ADAMTS18: variants seen among roughly 807,000 people sequenced by gnomAD.
The protein encoded by ADAMTS18 is A disintegrin and metalloproteinase with thrombospondin motifs 18.
A neutral mutation model predicts 165.9 loss-of-function variants in ADAMTS18; 157 were observed. That is an observed-to-expected ratio of 0.95 (90% confidence interval 0.83 to 1.08). The LOEUF (loss-of-function observed/expected upper bound fraction) is 1.08, where lower values mean the gene tolerates loss of function less well. ADAMTS18 is among the 50% of genes least tolerant of loss of function. The pLI is 0.00. For missense variants in ADAMTS18, 2,040 were observed against 1,534.0 expected, an observed-to-expected ratio of 1.33 and a Z score of -5.51; for synonymous variants, 782 against 578.2, an observed-to-expected ratio of 1.35 and a Z score of -5.06.
intron 16 of ADAMTS18, among the ~76,000 whole-genome samples, chr16:77,306,043 C>T (rs1191074789): frequency 2.6e-5 from 4 of 152,156 alleles, no homozygotes; most frequent in Non-Finnish European, 4.4e-5. Context: ...CACAATAATG[C>T]CATTGCTTAC....
chr16:77,352,408 A>G (rs1163773454), intron 10 of ADAMTS18, among the ~76,000 whole-genome samples: 1 of 152,164 alleles, frequency 6.6e-6, no homozygotes, highest in Non-Finnish European at 1.5e-5. Flanking sequence ...TTTCACATCA[A>G]TGTGTGTGAC....
intron 13 of ADAMTS18, among the ~76,000 whole-genome samples, 193 bp downstream of exon 13, chr16:77,325,673 A>AG (rs201142735): frequency 8.6e-4 from 118 of 137,198 alleles, no homozygotes; most frequent in African/African-American, 3.0e-3. Flanking sequence ...GGTATCTTAT[A>AG]GGGGGAAAAA....
intron 3 of ADAMTS18, among the ~76,000 whole-genome samples, chr16:77,428,549 A>C (rs2057701360): frequency 6.6e-6 from 1 of 152,154 alleles, no homozygotes; most frequent in Non-Finnish European, 1.5e-5. Flanking sequence ...GATTTGGAGC[A>C]ACTGGAACTC....
chr16:77,377,007 G>T (rs565561804), intron 3 of ADAMTS18, among the ~76,000 whole-genome samples: 1 of 151,790 alleles, frequency 6.6e-6, no homozygotes, highest in South Asian at 2.1e-4. Context: ...TAGAGATGAG[G>T]TTTCATCACA....
intron 7 of ADAMTS18, 119 bp from the exon 8 acceptor site, chr16:77,359,542 GT>G: frequency 3.6e-6 from 2 of 548,754 alleles, no homozygotes; most frequent in South Asian, 2.1e-5. Context: ...TGCATTCAGT[GT>G]TTTTGGAAAA....
At chr16:77,386,301 C>G (rs2057106969) in intron 3 of ADAMTS18, among the ~76,000 whole-genome samples, 1 of 152,178 alleles carries the variant, frequency 6.6e-6, no homozygotes, top group Non-Finnish European at 1.5e-5. Context: ...CTATACCCAA[C>G]TTGGACTTTA....
chr16:77,396,337 T>G (rs2057256629), intron 3 of ADAMTS18, among the ~76,000 whole-genome samples: 2 of 152,286 alleles, frequency 1.3e-5, no homozygotes, highest in South Asian at 4.1e-4. Context: ...AGAAAGAAAT[T>G]TATCAATATG....
chr16:77,396,884 G>A (rs1440071150), intron 3 of ADAMTS18, among the ~76,000 whole-genome samples: 1 of 151,194 alleles, frequency 6.6e-6, no homozygotes, highest in Non-Finnish European at 1.5e-5. Context: ...TTGGCTCACT[G>A]CAACCTCTGC....
intron 3 of ADAMTS18, among the ~76,000 whole-genome samples, chr16:77,404,437 G>C (rs937157997): frequency 6.6e-6 from 1 of 152,068 alleles, no homozygotes; most frequent in Non-Finnish European, 1.5e-5. Context: ...TTCTCTATAA[G>C]TTCTTCTCTA....
At chr16:77,379,832 C>A (rs1015798733) in intron 3 of ADAMTS18, among the ~76,000 whole-genome samples, 1 of 152,126 alleles carries the variant, frequency 6.6e-6, no homozygotes, top group South Asian at 2.1e-4. Context: ...CTCCCCTTCC[C>A]AGTGAACACC....
chr16:77,388,158 G>T (rs1265617599), intron 3 of ADAMTS18, among the ~76,000 whole-genome samples: 1 of 152,152 alleles, frequency 6.6e-6, no homozygotes, highest in Non-Finnish European at 1.5e-5. Flanking sequence ...GGAGTGCAGT[G>T]GCACCATCTC....
In ADAMTS18 at chr16:77,431,332, C is replaced by A. The variant is rs142435175; in HGVS notation, c.458G>T (p.Ser153Ile). The A allele has an allele frequency of 1.6e-5, 26 of 1,614,158 alleles. No individual in the cohort carries two copies. The highest frequency in any genetic ancestry group is 2.2e-5 in the Non-Finnish European group (26 of 1,180,032). ...CFYQGFIRND[S>I]SSSVAVSTCA... ...CGTAGACACAGCGACAGAGGAGGAG[C>A]TGTCATTTCTGATAAATCCCTGATA... is the stretch of plus-strand genomic sequence containing the variant. Residue 153 changes from serine to isoleucine, a missense_variant, in exon 3 of 23, where the codon AGC (serine) becomes ATC (isoleucine). Transcript: ENST00000282849.
intron 3 of ADAMTS18, among the ~76,000 whole-genome samples, chr16:77,396,550 G>T (rs2057259356): frequency 1.3e-5 from 2 of 152,132 alleles, no homozygotes; most frequent in Admixed American, 1.3e-4. Context: ...AAAACTACAG[G>T]AAATATTTGA....
At chr16:77,360,056 C>T (rs755780577) in intron 7 of ADAMTS18, among the ~76,000 whole-genome samples, 45 of 152,124 alleles carry the variant, frequency 3.0e-4, no homozygotes, top group Non-Finnish European at 2.9e-5. Context: ...ACAGTGTGTG[C>T]GAACATCTTT....
rs1333975756 is a variant in ADAMTS18 at position 77,283,730 on chromosome 16, T to G, written c.*226A>C. ...ATCAAAGATTTTTTTTAAAGTCAGA[T>G]TTGTCATCGCTTCCCATTTTCAAGT... On this transcript the variant is annotated 3_prime_UTR_variant, in exon 23 of 23. Coordinates refer to ENST00000282849, the MANE Select transcript of ADAMTS18 (RefSeq NM_199355.4). The G allele has an allele frequency of 1.9e-6, 1 of 536,772 alleles. No homozygotes were observed. The highest frequency in any genetic ancestry group is 3.3e-5 in the East Asian group (1 of 30,502). The allele number at this position is 536,772 out of a possible 1,614,324, so 33.3% of individuals were successfully genotyped here. A position where few individuals can be genotyped will look rare whatever the true frequency, so the allele number is the denominator to read the frequency against.
chr16:77,320,046 T>A lies in ADAMTS18; in HGVS notation c.2335A>T (p.Ile779Phe). The change falls in exon 16 of 23, where the codon ATC becomes TTC. Residue 779 changes from isoleucine (I) to phenylalanine (F), a missense_variant. Physicochemically the swap from Ile to Phe is conservative, Grantham distance 21. Transcript: ENST00000282849. ...LIPAGARSIEIQELQVSSSYL... is the reference protein window; with the variant it reads ...LIPAGARSIEFQELQVSSSYL... Reference sequence around the variant, plus strand: ...CTGGAGGAAACCTGCAGCTCCTGGATTTCGATGCTTCGGGCGCCAGCTGGA... The same window carrying A: ...CTGGAGGAAACCTGCAGCTCCTGGAATTCGATGCTTCGGGCGCCAGCTGGA... The A allele has an allele frequency of 6.2e-7, 1 of 1,614,130 alleles. No individual in the cohort carries two copies. The highest frequency in any genetic ancestry group is 8.5e-7 in the Non-Finnish European group (1 of 1,180,010).
chr16:77,395,273 C>T lies in ADAMTS18; in HGVS notation c.496-27550G>A, dbSNP rs985561557. ...AGCGTTTGTAGGGGAGGCCAAAGTT[C>T]TCTGGAAAACCAGTAAGGTCCTTAG... is the stretch of plus-strand genomic sequence containing the variant. On this transcript the variant is annotated intron_variant, in intron 3 of 22. Coordinates refer to ENST00000282849, the MANE Select transcript of ADAMTS18 (RefSeq NM_199355.4). Among the ~76,000 whole-genome samples the T allele has an allele frequency of 2.0e-5, 3 of 152,152 alleles. No homozygotes were observed. The East Asian group carries it at 5.8e-4, about 29-fold the overall frequency.
At chr16:77,312,853 A>C (rs1326365393) in intron 16 of ADAMTS18, among the ~76,000 whole-genome samples, 1 of 152,156 alleles carries the variant, frequency 6.6e-6, no homozygotes. Flanking sequence ...GTGGGACTGT[A>C]AACTAGTTCA....
chr16:77,359,779 A>G (rs1057456316), intron 7 of ADAMTS18, among the ~76,000 whole-genome samples: 4 of 152,204 alleles, frequency 2.6e-5, no homozygotes, highest in Non-Finnish European at 5.9e-5. Flanking sequence ...AGCAACGGAT[A>G]GAATGATAGC....
Sources: allele counts gnomAD v4.1 joint callset (sites outside exome capture counted in the v4.1 genomes callset), GRCh38; gene constraint gnomAD v4.1.1; transcripts MANE v1.5; gene names NCBI Gene and HGNC (gene_info 2026-07-23, HGNC 2026-07-21).